The following SGPP2 variants were observed in gnomAD, a reference collection of about 807,000 sequenced individuals.
SGPP2 encodes sphingosine-1-phosphate phosphatase 2.
In SGPP2, 30 loss-of-function variants were observed where a neutral mutation model predicts 33.9. The observed-to-expected ratio is 0.89, with a 90% CI of 0.66 to 1.20. SGPP2 has a LOEUF of 1.20. SGPP2 is among the 50% of genes most tolerant of loss of function. The probability of loss-of-function intolerance (pLI) is 0.00; values close to 1 mark genes in which losing one functional copy is unlikely to be tolerated. For missense variants in SGPP2, 458 were observed against 532.1 expected, an observed-to-expected ratio of 0.86 and a Z score of 1.37; for synonymous variants, 233 against 225.0, an observed-to-expected ratio of 1.04 and a Z score of -0.32.
In SGPP2 at chr2:222,558,946, T is replaced by C. The variant is rs771969343; in HGVS notation, c.*48T>C. ...CCCACTGGACATGAAAGCCAAGACA[T>C]AGGAAAGTTATTGGTAGGCAAATCT... On this transcript the variant is annotated 3_prime_UTR_variant, in exon 5 of 5. Transcript: ENST00000321276. 3.9e-6 allele frequency: 6 copies of C among 1,555,698 alleles called. No individual in the cohort carries two copies. The highest frequency in any genetic ancestry group is 1.2e-5 in the South Asian group (1 of 84,260).
chr2:222,536,065 C>T (rs13019158), intron 4 of SGPP2, among the ~76,000 whole-genome samples: 22,537 of 152,168 alleles, frequency 0.15, 2,062 homozygotes, highest in South Asian at 0.26. Context: ...GTTCCAGTTT[C>T]GATTTAAGAC....
chr2:222,486,690 G>A (rs1487549715), intron 2 of SGPP2, among the ~76,000 whole-genome samples: 1 of 152,148 alleles, frequency 6.6e-6, no homozygotes, highest in Non-Finnish European at 1.5e-5. Context: ...ATTTTAAGGG[G>A]AGGAAACCAT....
At chr2:222,492,559 C>T (rs1264192553) in intron 2 of SGPP2, among the ~76,000 whole-genome samples, 3 of 152,268 alleles carry the variant, frequency 2.0e-5, no homozygotes, top group Non-Finnish European at 4.4e-5. Context: ...GCCCACTAAA[C>T]CGCTTTTTCC....
intron 4 of SGPP2, among the ~76,000 whole-genome samples, chr2:222,528,979 CTT>C (rs1330184141): frequency 6.6e-6 from 1 of 152,198 alleles, no homozygotes; most frequent in Admixed American, 6.5e-5. Flanking sequence ...GGAAAGATTT[CTT>C]TGTAGAATGC....
intron 2 of SGPP2, among the ~76,000 whole-genome samples, chr2:222,492,105 C>CT (rs571780868): frequency 6.6e-6 from 1 of 152,168 alleles, no homozygotes; most frequent in African/African-American, 2.4e-5. Flanking sequence ...GTGCCTGCAG[C>CT]TTTTTCAGAC....
chr2:222,555,445 GTTTTTTTTTT>G (rs57228014), intron 4 of SGPP2, among the ~76,000 whole-genome samples: 5 of 85,874 alleles, frequency 5.8e-5, no homozygotes, highest in East Asian at 6.5e-4. Context: ...TCTTTTATCC[GTTTTTTTTTT>G]TTTTTTTTTT....
At chr2:222,532,120 A>C (rs1392675049) in intron 4 of SGPP2, among the ~76,000 whole-genome samples, 2 of 152,042 alleles carry the variant, frequency 1.3e-5, no homozygotes, top group Non-Finnish European at 2.9e-5. Context: ...TAAAAATACA[A>C]AAAATTAGCC....
intron 1 of SGPP2, among the ~76,000 whole-genome samples, chr2:222,428,248 T>C (rs1160079429): frequency 6.6e-6 from 1 of 152,220 alleles, no homozygotes; most frequent in East Asian, 1.9e-4. Context: ...AAGCCATTTT[T>C]GGTTATTGCT....
At chr2:222,440,099 C>A (rs1217310154) in intron 1 of SGPP2, among the ~76,000 whole-genome samples, 1 of 152,190 alleles carries the variant, frequency 6.6e-6, no homozygotes, top group Non-Finnish European at 1.5e-5. Context: ...ACTTTTACTA[C>A]AGGCATTATT....
intron 3 of SGPP2, among the ~76,000 whole-genome samples, chr2:222,523,451 G>A (rs1035068544): frequency 1.3e-5 from 2 of 152,148 alleles, no homozygotes; most frequent in Admixed American, 6.5e-5. Flanking sequence ...ATATGCTAAT[G>A]TACCTTAAGA....
intron 2 of SGPP2, among the ~76,000 whole-genome samples, chr2:222,483,895 T>C (rs1318264584): frequency 6.6e-6 from 1 of 152,222 alleles, no homozygotes; most frequent in Admixed American, 6.5e-5. Context: ...TTAATGAGTC[T>C]TTAAAAGTAT....
intron 2 of SGPP2, among the ~76,000 whole-genome samples, chr2:222,487,566 C>T (rs545688893): frequency 7.4e-4 from 112 of 152,254 alleles, no homozygotes; most frequent in African/African-American, 2.5e-3. Flanking sequence ...ATGCATCTGC[C>T]GTCTGTTGTG....
At chr2:222,472,560 G>T (rs779026047) in intron 1 of SGPP2, among the ~76,000 whole-genome samples, 5 of 152,146 alleles carry the variant, frequency 3.3e-5, no homozygotes, top group African/African-American at 7.2e-5. Flanking sequence ...GAAGTCACAC[G>T]CCTGGTCAGT....
At chr2:222,557,917 T>A (rs1296115950) in intron 4 of SGPP2, among the ~76,000 whole-genome samples, 4 of 152,056 alleles carry the variant, frequency 2.6e-5, no homozygotes, top group Non-Finnish European at 5.9e-5. Flanking sequence ...TATATTTGGC[T>A]CCCCCAGAAG....
chr2:222,463,023 G>A (rs1295522206), intron 1 of SGPP2, among the ~76,000 whole-genome samples: 4 of 152,130 alleles, frequency 2.6e-5, no homozygotes, highest in South Asian at 2.1e-4. Context: ...CTTCCTCAGC[G>A]ACAGCCTCCC....
intron 4 of SGPP2, among the ~76,000 whole-genome samples, chr2:222,529,048 A>T (rs1052824064): frequency 3.3e-5 from 5 of 152,144 alleles, no homozygotes; most frequent in African/African-American, 4.8e-5. Context: ...TCATGTGATG[A>T]TATTTGATAA....
chr2:222,524,559 A>G (rs929699742), intron 3 of SGPP2, among the ~76,000 whole-genome samples: 1 of 152,230 alleles, frequency 6.6e-6, no homozygotes, highest in African/African-American at 2.4e-5. Flanking sequence ...CTGGCTATCT[A>G]TCTACCTTGC....
chr2:222,511,532 T>G (rs913535449), intron 2 of SGPP2, among the ~76,000 whole-genome samples: 1 of 152,132 alleles, frequency 6.6e-6, no homozygotes, highest in Non-Finnish European at 1.5e-5. Context: ...CCCAAAGAAG[T>G]ATGATGGATG....
At chr2:222,470,881 C>G (rs548723285) in intron 1 of SGPP2, among the ~76,000 whole-genome samples, 1 of 152,280 alleles carries the variant, frequency 6.6e-6, no homozygotes, top group African/African-American at 2.4e-5. Flanking sequence ...TATTTGTAAA[C>G]AGAACCTGCC....
Sources: allele counts gnomAD v4.1 joint callset (sites outside exome capture counted in the v4.1 genomes callset), GRCh38; gene constraint gnomAD v4.1.1; transcripts MANE v1.5; gene names NCBI Gene and HGNC (gene_info 2026-07-23, HGNC 2026-07-21).